The following GRB10 variants were observed in gnomAD, a reference collection of about 807,000 sequenced individuals.
GRB10 encodes the protein growth factor receptor-bound protein 10.
In GRB10, 20 loss-of-function variants were observed where a neutral mutation model predicts 80.9. That is an observed-to-expected ratio of 0.25 (90% CI 0.17 to 0.36). The LOEUF (loss-of-function observed/expected upper bound fraction) is 0.36. GRB10 is among the 10% of genes least tolerant of loss of function. GRB10 has a pLI of 1.00. For missense variants in GRB10, 548 were observed against 747.7 expected, an observed-to-expected ratio of 0.73 and a Z score of 3.12; for synonymous variants, 291 against 291.5, an observed-to-expected ratio of 1.00 and a Z score of 0.02.
chr7:50,771,877 G>A (rs756996844), intron 2 of GRB10, among the ~76,000 whole-genome samples: 10 of 152,164 alleles, frequency 6.6e-5, no homozygotes, highest in Non-Finnish European at 1.5e-4. Flanking sequence ...TCTTCTAAAC[G>A]GGGCATGGGC....
intron 7 of GRB10, among the ~76,000 whole-genome samples, chr7:50,662,111 G>A (rs1335778559): frequency 1.3e-5 from 2 of 152,220 alleles, no homozygotes; most frequent in Non-Finnish European, 2.9e-5. Context: ...TACCTGCAAT[G>A]TTGTGGAGTT....
upstream of GRB10, among the ~76,000 whole-genome samples, chr7:50,786,581 A>C (rs892065420): frequency 6.6e-6 from 1 of 152,256 alleles, no homozygotes; most frequent in Non-Finnish European, 1.5e-5. Flanking sequence ...TTCTGCCTAA[A>C]GGCAATGGAA....
chr7:50,682,374 C>G (rs1290444828), intron 5 of GRB10, among the ~76,000 whole-genome samples: 1 of 152,168 alleles, frequency 6.6e-6, no homozygotes, highest in African/African-American at 2.4e-5. Flanking sequence ...TCCCCAGGCT[C>G]TGGGATTTAG....
chr7:50,591,178 G>C lies in GRB10; in HGVS notation c.*1774C>G, dbSNP rs986112818. 6.6e-6 allele frequency: 1 copy of C among 152,228 alleles called. No homozygotes were observed. Among genetic ancestry groups the C allele is most frequent in the Non-Finnish European group, 1.5e-5 (1 of 68,044 alleles). 9.4% of individuals were successfully genotyped at this position (152,228 alleles called of 1,614,324 possible). On this transcript the variant is annotated 3_prime_UTR_variant, in exon 19 of 19. Transcript: ENST00000401949. ...TGCGAAAGGAAGAAAATGCAATTGA[G>C]CACTGATGGTTAAAAACATGTTTTG...
At chr7:50,713,819 T>TCAC (rs1300318567) in intron 4 of GRB10, among the ~76,000 whole-genome samples, 2 of 131,722 alleles carry the variant, frequency 1.5e-5, no homozygotes, top group Admixed American at 1.6e-4. Context: ...ACTTCCACCA[T>TCAC]CTCCACCATC....
rs117018801 is a variant in GRB10 at position 50,758,054 on chromosome 7, T to C, written c.-216-1998A>G. ...AGGAAGTTGATATTAGTCTTTACAG[T>C]TGACAAAACAAAGACAACATGCTCT... On this transcript the variant is annotated intron_variant, in intron 2 of 18. Coordinates refer to ENST00000401949, the MANE Select transcript of GRB10 (RefSeq NM_001350814.2). Among the ~76,000 whole-genome samples, 432 of 152,288 alleles carry C rather than the reference T, an allele frequency of 2.8e-3. 3 individuals are homozygous for C. Among genetic ancestry groups the C allele is most frequent in the South Asian group, 8.3e-3 (40 of 4,816 alleles).
At chr7:50,698,456 G>A (rs1449701854) in intron 5 of GRB10, among the ~76,000 whole-genome samples, 1 of 152,148 alleles carries the variant, frequency 6.6e-6, no homozygotes, top group African/African-American at 2.4e-5. Context: ...AAGGCATTTT[G>A]TTCTTTCACT....
At chr7:50,642,476 A>C (rs1465830686) in intron 7 of GRB10, among the ~76,000 whole-genome samples, 2 of 151,680 alleles carry the variant, frequency 1.3e-5, no homozygotes, top group Non-Finnish European at 3.0e-5. Context: ...ATATACATAT[A>C]CACATAAATA....
intron 4 of GRB10, among the ~76,000 whole-genome samples, chr7:50,710,588 G>A (rs1014276913): frequency 6.6e-5 from 10 of 152,238 alleles, no homozygotes; most frequent in Non-Finnish European, 2.9e-5. Flanking sequence ...GAGGGGCAGC[G>A]GGAAAACTGG....
intron 7 of GRB10, among the ~76,000 whole-genome samples, chr7:50,638,205 T>C (rs2153603659): frequency 6.6e-6 from 1 of 152,264 alleles, no homozygotes; most frequent in Admixed American, 6.5e-5. Context: ...ACTTTTGGAG[T>C]TTGGCCTAGG....
intron 12 of GRB10, 72 bp downstream of exon 12, chr7:50,614,698 T>C: frequency 1.1e-6 from 1 of 909,404 alleles, no homozygotes; most frequent in Non-Finnish European, 1.9e-6. Flanking sequence ...AATCAAGTGC[T>C]GGGCAAGAGA....
At chr7:50,784,347 G>A (rs547937798), upstream of GRB10, among the ~76,000 whole-genome samples, 1 of 152,330 alleles carries the variant, frequency 6.6e-6, no homozygotes. Context: ...CCAGATATGA[G>A]ACTTTTCTGC....
intron 2 of GRB10, among the ~76,000 whole-genome samples, chr7:50,779,953 G>A (rs774494150): frequency 6.6e-6 from 1 of 152,138 alleles, no homozygotes; most frequent in Non-Finnish European, 1.5e-5. Context: ...TGGAGAGATA[G>A]TCCTGGACCC....
chr7:50,669,168 A>AT (rs535880067), intron 7 of GRB10, among the ~76,000 whole-genome samples: 3 of 152,202 alleles, frequency 2.0e-5, no homozygotes, highest in Non-Finnish European at 4.4e-5. Context: ...ATTATTTGCC[A>AT]TTTTTTATGA....
chr7:50,740,210 C>T (rs1008508313), intron 3 of GRB10, among the ~76,000 whole-genome samples: 2 of 152,234 alleles, frequency 1.3e-5, no homozygotes, highest in Non-Finnish European at 1.5e-5. Context: ...AGATGACAGT[C>T]GCATGTCTGC....
chr7:50,750,772 CAA>C (rs1195175468), intron 3 of GRB10, among the ~76,000 whole-genome samples: 1 of 152,152 alleles, frequency 6.6e-6, no homozygotes, highest in Non-Finnish European at 1.5e-5. Flanking sequence ...AGAAGGAGAG[CAA>C]AGACAGCAGA....
chr7:50,731,342 T>C (rs1376593471), intron 4 of GRB10, among the ~76,000 whole-genome samples: 1 of 152,128 alleles, frequency 6.6e-6, no homozygotes, highest in Non-Finnish European at 1.5e-5. Context: ...GGCATCTTTT[T>C]GCAGCCATAA....
intron 5 of GRB10, among the ~76,000 whole-genome samples, chr7:50,676,591 T>C (rs2060979699): frequency 1.3e-5 from 2 of 152,180 alleles, no homozygotes; most frequent in Non-Finnish European, 1.5e-5. Context: ...ACCAGGTGTG[T>C]GCTCCTCACA....
At chr7:50,645,425 C>T (rs2057027068) in intron 7 of GRB10, 1 of 182,630 alleles carries the variant, frequency 5.5e-6, no homozygotes, top group Admixed American at 6.5e-5. Context: ...AGCTTTCAGC[C>T]ATCTGGGGAG....
Sources: gnomAD v4.1 joint callset for allele counts (sites outside exome capture counted in the v4.1 genomes callset) on GRCh38, gnomAD v4.1.1 for gene constraint, MANE v1.5 for transcripts, NCBI Gene and HGNC (gene_info 2026-07-23, HGNC 2026-07-21) for gene names.